Variants in LIN52 observed in about 807,000 individuals in gnomAD.
LIN52 encodes the protein protein lin-52 homolog.
LIN52 carries 4 observed loss-of-function variants against 18.5 expected under a neutral mutation model. That is an observed-to-expected ratio of 0.22 (90% confidence interval 0.11 to 0.49). LIN52 has a LOEUF of 0.49. LIN52 is among the 20% of genes least tolerant of loss of function. The pLI is 0.97. For missense variants in LIN52, 102 were observed against 139.5 expected, an observed-to-expected ratio of 0.73 and a Z score of 1.35; for synonymous variants, 34 against 45.5, an observed-to-expected ratio of 0.75 and a Z score of 1.02.
At chr14:74,094,241 GTTATATCTACTTTGTAGTT>G (rs1307499974) in intron 2 of LIN52, among the ~76,000 whole-genome samples, 1 of 150,386 alleles carries the variant, frequency 6.6e-6, no homozygotes, top group Non-Finnish European at 1.5e-5. Context: ...GGAAACTTAA[GTTATATCTACTTTGTAGTT>G]TTTTTTTTTT....
chr14:74,171,363 TA>T (rs527734909), intron 5 of LIN52, among the ~76,000 whole-genome samples: 408 of 122,812 alleles, frequency 3.3e-3, no homozygotes, highest in African/African-American at 4.7e-3. Context: ...AGAGCCTGTC[TA>T]AAAAAAAAAA....
intron 5 of LIN52, among the ~76,000 whole-genome samples, chr14:74,170,339 C>T (rs533034712): frequency 6.6e-6 from 1 of 152,044 alleles, no homozygotes; most frequent in Non-Finnish European, 1.5e-5. Context: ...GTCTAAATTC[C>T]ACAAAGACTG....
intron 5 of LIN52, among the ~76,000 whole-genome samples, chr14:74,107,034 C>G (rs1334644857): frequency 4.6e-5 from 7 of 152,252 alleles, no homozygotes; most frequent in Admixed American, 3.3e-4. Context: ...CGCCGGATTA[C>G]TCTAGCCTTC....
chr14:74,157,358 T>C (rs1456351050), intron 5 of LIN52, among the ~76,000 whole-genome samples: 2 of 152,162 alleles, frequency 1.3e-5, no homozygotes, highest in East Asian at 3.9e-4. Context: ...TCCATTCATC[T>C]GTTGATAGAC....
chr14:74,161,890 T>A (rs965279101), intron 5 of LIN52, among the ~76,000 whole-genome samples: 6 of 152,140 alleles, frequency 3.9e-5, no homozygotes, highest in Non-Finnish European at 5.9e-5. Flanking sequence ...CTGCCTCAGC[T>A]TTGCAGCCTC....
chr14:74,144,544 C>T (rs1274969911), intron 5 of LIN52, among the ~76,000 whole-genome samples: 1 of 152,132 alleles, frequency 6.6e-6, no homozygotes, highest in East Asian at 1.9e-4. Flanking sequence ...GCAAATGTAA[C>T]TCTAACAAAT....
chr14:74,120,415 T>C (rs2060992270), intron 5 of LIN52, among the ~76,000 whole-genome samples: 1 of 151,724 alleles, frequency 6.6e-6, no homozygotes, highest in South Asian at 2.1e-4. Context: ...GGTCAAGAGT[T>C]CGAGACCAGC....
chr14:74,109,069 A>G (rs2060912725), intron 5 of LIN52, among the ~76,000 whole-genome samples: 1 of 152,184 alleles, frequency 6.6e-6, no homozygotes, highest in South Asian at 2.1e-4. Context: ...GTTAATTTTT[A>G]TATTTGGTGT....
intron 5 of LIN52, among the ~76,000 whole-genome samples, chr14:74,122,133 A>G (rs1768592828): frequency 6.6e-6 from 1 of 152,246 alleles, no homozygotes. Flanking sequence ...TCATTAACCA[A>G]AAAGGAGAAT....
intron 5 of LIN52, among the ~76,000 whole-genome samples, chr14:74,103,370 C>T (rs1407890832): frequency 1.3e-5 from 2 of 151,302 alleles, no homozygotes; most frequent in Admixed American, 1.3e-4. Context: ...TGAGCCACCA[C>T]ACCTGACATA....
chr14:74,185,871 A>T (rs1330935898), intron 5 of LIN52, among the ~76,000 whole-genome samples: 1 of 152,154 alleles, frequency 6.6e-6, no homozygotes, highest in East Asian at 1.9e-4. Context: ...TCTCATCTTC[A>T]GTTATTACAA....
intron 5 of LIN52, among the ~76,000 whole-genome samples, chr14:74,161,728 G>A (rs2061225893): frequency 6.6e-6 from 1 of 152,160 alleles, no homozygotes; most frequent in South Asian, 2.1e-4. Flanking sequence ...CCCACCTGAT[G>A]GCAGTGAAGA....
chr14:74,171,563 T>C (rs542603615), intron 5 of LIN52, among the ~76,000 whole-genome samples: 2 of 151,996 alleles, frequency 1.3e-5, no homozygotes, highest in East Asian at 3.9e-4. Context: ...ATAAATGTTA[T>C]GAACTAGAAG....
chr14:74,098,830 G>A lies in LIN52; in HGVS notation c.199+970G>A, dbSNP rs146307098. Reference sequence around the variant, plus strand: ...CCCAGAGTGCTGGGATTACAGGCGTGAGCCACCACGCCCCGCGTAAACTCT... The same window carrying A: ...CCCAGAGTGCTGGGATTACAGGCGTAAGCCACCACGCCCCGCGTAAACTCT... On this transcript the variant is annotated intron_variant, in intron 4 of 5. Coordinates refer to ENST00000555028, the MANE Select transcript of LIN52 (RefSeq NM_001024674.3). Among the ~76,000 whole-genome samples, 520 of 152,272 alleles carry A rather than the reference G, an allele frequency of 3.4e-3. 4 individuals are homozygous for A. Among genetic ancestry groups the A allele is most frequent in the African/African-American group, 1.0e-2 (414 of 41,570 alleles).
intron 5 of LIN52, among the ~76,000 whole-genome samples, chr14:74,187,108 A>C (rs1329969735): frequency 6.6e-6 from 1 of 152,150 alleles, no homozygotes; most frequent in Non-Finnish European, 1.5e-5. Context: ...AAGAAGAAAG[A>C]ATTTCATACA....
Position 74,091,311 on chromosome 14 carries a change from G to A in LIN52, c.94+5G>A, listed in dbSNP as rs755025943. ...CAGATCTTTGGCCAGAACAATGTAA[G>A]TTTTTGCCTTCTTTATATCAGAGTC... On this transcript the variant is annotated splice_donor_5th_base_variant and intron_variant, in intron 2 of 5. Transcript: ENST00000555028. 2 of 1,600,556 alleles carry A rather than the reference G, an allele frequency of 1.2e-6. No homozygotes were observed. The highest frequency in any genetic ancestry group is 1.7e-6 in the Non-Finnish European group (2 of 1,169,360).
chr14:74,166,945 G>A (rs1451125016), intron 5 of LIN52, among the ~76,000 whole-genome samples: 2 of 152,054 alleles, frequency 1.3e-5, no homozygotes, highest in Non-Finnish European at 2.9e-5. Flanking sequence ...GAGTGGAATT[G>A]ATGGTTCTTT....
At chr14:74,198,400 A>G (rs2139601447) in intron 5 of LIN52, among the ~76,000 whole-genome samples, 1 of 152,330 alleles carries the variant, frequency 6.6e-6, no homozygotes, top group South Asian at 2.1e-4. Context: ...ACTTTATGAC[A>G]CCATCCACAG....
chr14:74,086,690 T>C (rs1176521579), intron 1 of LIN52, among the ~76,000 whole-genome samples: 1 of 151,878 alleles, frequency 6.6e-6, no homozygotes, highest in Non-Finnish European at 1.5e-5. Context: ...AAATTATGGA[T>C]GTTTGGAGTC....
Sources: gnomAD v4.1 joint callset for allele counts (sites outside exome capture counted in the v4.1 genomes callset) on GRCh38, gnomAD v4.1.1 for gene constraint, MANE v1.5 for transcripts, NCBI Gene and HGNC (gene_info 2026-07-23, HGNC 2026-07-21) for gene names.